AHI1: variants seen among roughly 807,000 people sequenced by gnomAD.
AHI1 encodes the protein Abelson helper integration site 1, also known as jouberin.
A neutral mutation model predicts 149.3 loss-of-function variants in AHI1; 123 were observed. The observed-to-expected ratio is 0.82, with a 90% CI of 0.71 to 0.96. The LOEUF (loss-of-function observed/expected upper bound fraction) is 0.96. Among genes scored for constraint, AHI1 ranks in the 40% least tolerant of loss-of-function variants. AHI1 has a pLI of 0.00. For missense variants in AHI1, 1,439 were observed against 1,422.7 expected, an observed-to-expected ratio of 1.01 and a Z score of -0.18; for synonymous variants, 475 against 459.8, an observed-to-expected ratio of 1.03 and a Z score of -0.42.
At position 135,465,805 on chromosome 6, in the gene AHI1, C is replaced by T. The variant is rs758670131; in HGVS notation, c.749+9G>A. 1 of 1,441,948 alleles carries T rather than the reference C, an allele frequency of 6.9e-7. No homozygotes were observed. The highest frequency in any genetic ancestry group is 1.8e-5 in the South Asian group (1 of 56,700). 89.3% of individuals were successfully genotyped at this position (1,441,948 alleles called of 1,614,324 possible). A position where few individuals can be genotyped will look rare whatever the true frequency, so the allele number is the denominator to read the frequency against. On this transcript the variant is annotated intron_variant, in intron 7 of 28. Coordinates refer to ENST00000265602, the MANE Select transcript of AHI1 (RefSeq NM_001134831.2). ...AGAGGATATTTTACATTTATCAATG[C>T]AAAAATACCTTGTTTCAGCTTTAGA...
intron 21 of AHI1, among the ~76,000 whole-genome samples, chr6:135,410,183 A>G (rs1374466083): frequency 3.3e-5 from 5 of 152,182 alleles, no homozygotes; most frequent in Non-Finnish European, 7.3e-5. Context: ...CCTGGGCTAC[A>G]TACCAAGACC....
chr6:135,455,974 G>C, intron 9 of AHI1, 48 bp from the exon 10 acceptor site: 1 of 1,281,394 alleles, frequency 7.8e-7, no homozygotes, highest in Non-Finnish European at 1.0e-6. Context: ...ATAATTTTGA[G>C]GTGAGAAAAA....
Position 135,383,332 on chromosome 6 carries a change from C to T in AHI1, c.3109+11444G>A, listed in dbSNP as rs201070675. On this transcript the variant is annotated intron_variant, in intron 23 of 28. Coordinates refer to ENST00000265602, the MANE Select transcript of AHI1 (RefSeq NM_001134831.2). The stretch of plus-strand genomic sequence containing the variant: ...GCAGCCTCAACCTCCTGGGTTCAAT[C>T]GATTCCCCTCTGCCTCAGCCTTCTG... Among the ~76,000 whole-genome samples the T allele has an allele frequency of 2.1e-5, 3 of 144,072 alleles. No individual in the cohort carries two copies. The Admixed American group carries it at 2.2e-4, about 11-fold the overall frequency. 94.5% of individuals were successfully genotyped at this position (144,072 alleles called of 152,430 possible).
intron 5 of AHI1, among the ~76,000 whole-genome samples, chr6:135,483,576 AAATAAT>A (rs1342292051): frequency 1.3e-5 from 2 of 152,250 alleles, no homozygotes; most frequent in Non-Finnish European, 2.9e-5. Context: ...GCAACTTCAT[AAATAAT>A]TATAGCTACA....
Position 135,318,520 on chromosome 6 carries a change from T to G in AHI1, c.3425A>C (p.Lys1142Thr). 1 of 1,574,818 alleles carries G rather than the reference T, an allele frequency of 6.3e-7. No individual in the cohort carries two copies. The highest frequency in any genetic ancestry group is 8.7e-7 in the Non-Finnish European group (1 of 1,155,812). The change falls in exon 26 of 29, where the codon AAG becomes ACG. Residue 1142 changes from lysine to threonine, a missense_variant and splice_region_variant. Coordinates refer to ENST00000265602, the MANE Select transcript of AHI1 (RefSeq NM_001134831.2). ...ATACGTATGCTCAAAAACATTTACCTTTTGAGGAGCTGGAGATTTTTCTAT... is the reference window on the plus strand; with the variant it reads ...ATACGTATGCTCAAAAACATTTACCGTTTGAGGAGCTGGAGATTTTTCTAT... ...TKIEKSPAPQ[K>T]QSINKNKSQD...
intron 28 of AHI1, among the ~76,000 whole-genome samples, chr6:135,290,028 C>T (rs1263398564): frequency 6.6e-6 from 1 of 152,064 alleles, no homozygotes; most frequent in Non-Finnish European, 1.5e-5. Flanking sequence ...GCTCCGACAC[C>T]GCAGATGGCT....
intron 24 of AHI1, among the ~76,000 whole-genome samples, chr6:135,331,843 C>T (rs1446339557): frequency 6.6e-6 from 1 of 152,126 alleles, no homozygotes; most frequent in African/African-American, 2.4e-5. Flanking sequence ...CTTCTTTATG[C>T]TTTCTCCTTG....
At position 135,442,654 on chromosome 6, in the gene AHI1, A is replaced by G; in HGVS notation, c.1840T>C (p.Cys614Arg). 1.2e-6 allele frequency: 2 copies of G among 1,611,306 alleles called. No individual in the cohort carries two copies. Among genetic ancestry groups the G allele is most frequent in the Non-Finnish European group, 1.7e-6 (2 of 1,178,556 alleles). The change falls in exon 14 of 29, where the codon TGT (cysteine) becomes CGT (arginine). Residue 614 changes from cysteine (C) to arginine (R), a missense_variant. Cys to Arg is a radical substitution (Grantham distance 180, BLOSUM62 -3). Coordinates refer to ENST00000265602, the MANE Select transcript of AHI1 (RefSeq NM_001134831.2). ...CTTCCATTGTGGGAGAAATCAAGAC[A>G]AAAACATCCTCGTTCTCCTGCATTT... ...SLNAGERGCFCLDFSHNGRIL... is the reference protein window; with the variant it reads ...SLNAGERGCFRLDFSHNGRIL...
chr6:135,406,491 C>T (rs1780815362), intron 21 of AHI1, among the ~76,000 whole-genome samples: 1 of 152,106 alleles, frequency 6.6e-6, no homozygotes, highest in Admixed American at 6.5e-5. Context: ...GGGAATAATA[C>T]TCAACCCTAT....
rs1250596427 is a variant in AHI1 at position 135,490,612 on chromosome 6, C to T, written c.135+11G>A. On this transcript the variant is annotated intron_variant, in intron 5 of 28. Coordinates refer to ENST00000265602, the MANE Select transcript of AHI1 (RefSeq NM_001134831.2). ...ATGTAAATCACTATTACCCAATGAT[C>T]ATTTACTTACTGAGATGTTTTCTTC... The T allele has an allele frequency of 6.2e-7, 1 of 1,613,448 alleles. No homozygotes were observed. Among genetic ancestry groups the T allele is most frequent in the South Asian group, 1.1e-5 (1 of 90,926 alleles).
chr6:135,420,854 G>A (rs73777520), intron 20 of AHI1, among the ~76,000 whole-genome samples: 2 of 152,158 alleles, frequency 1.3e-5, no homozygotes, highest in African/African-American at 4.8e-5. Flanking sequence ...CTAACTATAC[G>A]GCACAAAAGT....
chr6:135,422,619 T>TTATGTATG (rs71006761), intron 20 of AHI1, among the ~76,000 whole-genome samples: 1,567 of 147,828 alleles, frequency 0.011, 14 homozygotes, highest in African/African-American at 0.019. Context: ...AGTTTTATTT[T>TTATGTATG]TATGTATGTA....
In AHI1 at chr6:135,428,446, A is replaced by T. The variant is rs17707943; in HGVS notation, c.2623+183T>A. Among the ~76,000 whole-genome samples, 1,274 of 151,782 alleles carry T rather than the reference A, an allele frequency of 8.4e-3. 12 individuals carry two copies. The highest frequency in any genetic ancestry group is 0.02 in the Middle Eastern group (6 of 294). Reference sequence around the variant, plus strand: ...AAAGATATTAAAGCAATAGAGAACAAAATTTAATACAAGTTTAGACTGTAG... The same window carrying T: ...AAAGATATTAAAGCAATAGAGAACATAATTTAATACAAGTTTAGACTGTAG... On this transcript the variant is annotated intron_variant, in intron 19 of 28. Coordinates refer to ENST00000265602, the MANE Select transcript of AHI1 (RefSeq NM_001134831.2).
intron 23 of AHI1, among the ~76,000 whole-genome samples, chr6:135,393,721 A>T (rs1417241416): frequency 6.6e-6 from 1 of 152,136 alleles, no homozygotes; most frequent in Non-Finnish European, 1.5e-5. Flanking sequence ...ACACATATTC[A>T]TCATGTTTAC....
intron 5 of AHI1, chr6:135,489,911 ACT>A: frequency 6.4e-6 from 2 of 310,682 alleles, no homozygotes; most frequent in Non-Finnish European, 1.2e-5. Flanking sequence ...AAAAAAAAAA[ACT>A]ATGTACCATT....
At chr6:135,429,122 A>G (rs1021708700) in intron 18 of AHI1, among the ~76,000 whole-genome samples, 3 of 151,708 alleles carry the variant, frequency 2.0e-5, no homozygotes, top group Non-Finnish European at 4.4e-5. Context: ...TGGTTACTAA[A>G]CTAATGGATA....
chr6:135,331,561 T>C (rs1788598002), intron 24 of AHI1, among the ~76,000 whole-genome samples: 1 of 152,308 alleles, frequency 6.6e-6, no homozygotes, highest in Non-Finnish European at 1.5e-5. Flanking sequence ...CTCTGAAGAA[T>C]TCTCAGTGAC....
chr6:135,364,877 C>CCGT (rs1365516888), intron 23 of AHI1, among the ~76,000 whole-genome samples: 1 of 151,278 alleles, frequency 6.6e-6, no homozygotes, highest in African/African-American at 2.4e-5. Context: ...CAGAGGGAGA[C>CCGT]CGTGGAAAGA....
At chr6:135,468,102 C>T (rs1211561261) in intron 5 of AHI1, among the ~76,000 whole-genome samples, 2 of 151,944 alleles carry the variant, frequency 1.3e-5, no homozygotes, top group African/African-American at 4.8e-5. Flanking sequence ...ACTAGTATCC[C>T]AATACATATC....
Sources: allele counts gnomAD v4.1 joint callset (sites outside exome capture counted in the v4.1 genomes callset), GRCh38; gene constraint gnomAD v4.1.1; transcripts MANE v1.5; gene names NCBI Gene and HGNC (gene_info 2026-07-23, HGNC 2026-07-21).